The following OLA1 variants were observed in gnomAD, a reference collection of about 807,000 sequenced individuals.
The protein encoded by OLA1 is obg-like ATPase 1.
OLA1 carries 14 observed loss-of-function variants against 48.4 expected under a neutral mutation model. The observed-to-expected ratio is 0.29, with a 90% confidence interval of 0.19 to 0.45. The LOEUF (loss-of-function observed/expected upper bound fraction) is 0.45. Ranked by LOEUF, OLA1 falls within the 20% of genes least tolerant of loss-of-function variation. OLA1 has a pLI of 1.00. For missense variants in OLA1, 325 were observed against 467.1 expected (o/e 0.70, Z 2.80); for synonymous variants, 127 against 150.4 (o/e 0.84, Z 1.14).
chr2:174,097,682 G>A (rs189995475), intron 7 of OLA1, among the ~76,000 whole-genome samples: 67 of 150,470 alleles, frequency 4.5e-4, no homozygotes, highest in African/African-American at 1.1e-3. Context: ...CTGAGATCAC[G>A]CCATTGCACT....
intron 2 of OLA1, among the ~76,000 whole-genome samples, chr2:174,244,554 T>C (rs1689084492): frequency 6.6e-6 from 1 of 152,196 alleles, no homozygotes; most frequent in Non-Finnish European, 1.5e-5. Flanking sequence ...CCTAATGCAA[T>C]GTAAATGATA....
intron 4 of OLA1, among the ~76,000 whole-genome samples, chr2:174,185,105 A>G (rs764128315): frequency 1.4e-4 from 22 of 152,184 alleles, no homozygotes; most frequent in Non-Finnish European, 2.5e-4. Context: ...AGATTCAGGT[A>G]CTTTCCAAGT....
chr2:174,137,623 A>C (rs567485360), intron 5 of OLA1, among the ~76,000 whole-genome samples: 25 of 152,294 alleles, frequency 1.6e-4, no homozygotes, highest in African/African-American at 6.0e-4. Context: ...CTTCTGGAGA[A>C]CTTGCTGCAG....
At position 174,163,709 on chromosome 2, in the gene OLA1, T is replaced by A. The variant is rs868276098; in HGVS notation, c.374-21709A>T. Reference sequence around the variant, plus strand: ...TTGTCTCAAAAATAAAATAAATAAATAAATATATATATATATATATATATA... The same window carrying A: ...TTGTCTCAAAAATAAAATAAATAAAAAAATATATATATATATATATATATA... On this transcript the variant is annotated intron_variant, in intron 4 of 10. Transcript: ENST00000284719. 3.5e-3 allele frequency among the ~76,000 whole-genome samples: 137 copies of A among 39,470 alleles called. 5 individuals are homozygous for A. Among genetic ancestry groups the A allele is most frequent in the African/African-American group, 0.015 (133 of 8,994 alleles). 25.9% of individuals were successfully genotyped at this position (39,470 alleles called of 152,430 possible).
intron 4 of OLA1, among the ~76,000 whole-genome samples, chr2:174,174,035 C>CAAA (rs112671944): frequency 1.9e-4 from 26 of 135,628 alleles, no homozygotes; most frequent in Admixed American, 5.2e-4. Flanking sequence ...CACACACACA[C>CAAA]AAAAAAAAAA....
At chr2:174,208,447 C>T (rs185415906) in intron 4 of OLA1, among the ~76,000 whole-genome samples, 17 of 152,172 alleles carry the variant, frequency 1.1e-4, no homozygotes, top group Non-Finnish European at 2.2e-4. Context: ...TACAACATAC[C>T]ACGTAGCAAT....
At position 174,120,169 on chromosome 2, in the gene OLA1, G is replaced by A. The variant is rs190423353; in HGVS notation, c.728+3011C>T. ...GTTTATTCTACTGATTTCATAATTG[G>A]ATGGCATATTCTACTAACAGAGCAG... On this transcript the variant is annotated intron_variant, in intron 7 of 10. Transcript: ENST00000284719. Among the ~76,000 whole-genome samples the A allele has an allele frequency of 2.2e-4, 33 of 152,172 alleles. No homozygotes were observed. In the East Asian group the frequency reaches 6.0e-3, roughly 28 times the overall value.
rs115095020 is a variant in OLA1 at position 174,185,837 on chromosome 2, A to G, written c.373+37196T>C. Among the ~76,000 whole-genome samples the G allele has an allele frequency of 4.3e-3, 652 of 152,254 alleles. 10 individuals are homozygous for G. In the East Asian group the frequency reaches 0.044, roughly 10 times the overall value. Reference sequence around the variant, plus strand: ...TAGCTACTTGGGAGGCTGAGACAGGAGAATCACTACCTCCAGGAGGTAGAG... The same window carrying G: ...TAGCTACTTGGGAGGCTGAGACAGGGGAATCACTACCTCCAGGAGGTAGAG... On this transcript the variant is annotated intron_variant, in intron 4 of 10. Transcript: ENST00000284719.
chr2:174,120,487 C>G (rs1685890122), intron 7 of OLA1, among the ~76,000 whole-genome samples: 1 of 152,148 alleles, frequency 6.6e-6, no homozygotes, highest in Non-Finnish European at 1.5e-5. Context: ...TCACTTACAA[C>G]ATCTTGATTA....
chr2:174,105,977 G>A (rs111842720), intron 7 of OLA1, among the ~76,000 whole-genome samples: 3,756 of 151,500 alleles, frequency 0.025, 149 homozygotes, highest in African/African-American at 0.084. Flanking sequence ...AAATATCTCA[G>A]TATCTCTTTT....
chr2:174,196,149 C>CTTAAGT, intron 4 of OLA1, among the ~76,000 whole-genome samples: 1 of 152,114 alleles, frequency 6.6e-6, no homozygotes, highest in South Asian at 2.1e-4. Flanking sequence ...CAATATCAAT[C>CTTAAGT]TTAAGTTTTA....
intron 4 of OLA1, among the ~76,000 whole-genome samples, chr2:174,178,850 A>G (rs143381538): frequency 1.9e-3 from 290 of 152,026 alleles, no homozygotes; most frequent in African/African-American, 6.6e-3. Flanking sequence ...CAATTTATCA[A>G]TTATTTCAGT....
At position 174,125,492 on chromosome 2, in the gene OLA1, G is replaced by GT. The variant is rs557422228; in HGVS notation, c.550-1818dup. Among the ~76,000 whole-genome samples, 29 of 152,246 alleles carry GT rather than the reference G, an allele frequency of 1.9e-4. No individual in the cohort carries two copies. In the East Asian group the frequency reaches 2.3e-3, roughly 12 times the overall value. ...TACCATCTTATATTTGGTTCCATTAGTTTTTTCAATTAAAGAAAGAAAACA... is the reference window on the plus strand; with the variant it reads ...TACCATCTTATATTTGGTTCCATTAGTTTTTTTCAATTAAAGAAAGAAAACA... On this transcript the variant is annotated intron_variant, in intron 5 of 10. Coordinates refer to ENST00000284719, the MANE Select transcript of OLA1 (RefSeq NM_013341.5).
In OLA1 at chr2:174,136,665, G is replaced by A. The variant is rs919818736; in HGVS notation, c.549+5160C>T. On this transcript the variant is annotated intron_variant, in intron 5 of 10. Transcript: ENST00000284719. Reference sequence around the variant, plus strand: ...GATGTTTTGACCTCTCATGAATCATGAATATTCTTTTTTTTTTTTTTTCCT... The same window carrying A: ...GATGTTTTGACCTCTCATGAATCATAAATATTCTTTTTTTTTTTTTTTCCT... Among the ~76,000 whole-genome samples, 20 of 150,618 alleles carry A rather than the reference G, an allele frequency of 1.3e-4. 1 individual carries two copies. The highest frequency in any genetic ancestry group is 4.9e-4 in the African/African-American group (20 of 40,580).
chr2:174,095,584 C>A lies in OLA1; in HGVS notation c.729-13520G>T, dbSNP rs559644647. On this transcript the variant is annotated intron_variant, in intron 7 of 10. Transcript: ENST00000284719. ...GGTTAATTGATTTTTGACAAAGGTACCAAAACAATTCAATGGGTAAAGAAG... is the reference window on the plus strand; with the variant it reads ...GGTTAATTGATTTTTGACAAAGGTAACAAAACAATTCAATGGGTAAAGAAG... 2.8e-3 allele frequency among the ~76,000 whole-genome samples: 429 copies of A among 151,790 alleles called. 1 individual carries two copies. The highest frequency in any genetic ancestry group is 0.01 in the Middle Eastern group (3 of 288).
intron 6 of OLA1, 128 bp from the exon 7 acceptor site, chr2:174,123,405 C>T (rs1253692346): frequency 1.3e-5 from 8 of 600,780 alleles, no homozygotes; most frequent in Admixed American, 1.1e-4. Flanking sequence ...TTCTTCTTTC[C>T]AAAAGATTAG....
intron 4 of OLA1, among the ~76,000 whole-genome samples, chr2:174,212,376 A>G (rs552433982): frequency 2.6e-4 from 39 of 152,368 alleles, no homozygotes; most frequent in African/African-American, 8.2e-4. Context: ...GCCATGAATG[A>G]AACTTACAGA....
intron 4 of OLA1, among the ~76,000 whole-genome samples, chr2:174,144,930 TA>T (rs71021671): frequency 0.029 from 1,191 of 40,720 alleles, 18 homozygotes; most frequent in Non-Finnish European, 0.035. Flanking sequence ...AGACCCTGTT[TA>T]AAAAAAAAAA....
chr2:174,106,634 A>G (rs1013096061), intron 7 of OLA1, among the ~76,000 whole-genome samples: 2 of 152,178 alleles, frequency 1.3e-5, no homozygotes, highest in African/African-American at 4.8e-5. Context: ...GTTTGTGAAG[A>G]GAAAGTGATT....
Sources: allele counts gnomAD v4.1 joint callset (sites outside exome capture counted in the v4.1 genomes callset), GRCh38; gene constraint gnomAD v4.1.1; transcripts MANE v1.5; gene names NCBI Gene and HGNC (gene_info 2026-07-23, HGNC 2026-07-21).